RADIL: variants seen among roughly 807,000 people sequenced by gnomAD.
RADIL encodes ras-associating and dilute domain-containing protein.
In RADIL, 99 loss-of-function variants were observed where a neutral mutation model predicts 97.6. That is an observed-to-expected ratio of 1.01 (90% CI 0.86 to 1.20). The LOEUF is 1.20. Ranked by LOEUF, RADIL falls within the 50% of genes most tolerant of loss-of-function variation. The pLI, the probability that RADIL is intolerant of heterozygous loss-of-function variation, is 0.00. For synonymous variants in RADIL, 803 were observed against 691.8 expected (o/e 1.16, Z -2.52); for missense variants, 1,765 against 1,498.9 (o/e 1.18, Z -2.93).
At chr7:4,811,479 CTTTTTTTTTTTTTTTT>C (rs35136302) in intron 9 of RADIL, among the ~76,000 whole-genome samples, 1 of 59,046 alleles carries the variant, frequency 1.7e-5, no homozygotes, top group Admixed American at 2.8e-4. Flanking sequence ...GGTATTATTT[CTTTTTTTTTTTTTTTT>C]TTTTTTTTTT....
In RADIL at chr7:4,883,177, C is replaced by CTG. The variant is rs1784520311; in HGVS notation, c.-65+418_-65+419insCA. 3.3e-5 allele frequency among the ~76,000 whole-genome samples: 5 copies of CTG among 152,082 alleles called. No homozygotes were observed. Among genetic ancestry groups the CTG allele is most frequent in the Admixed American group, 2.0e-4 (3 of 15,274 alleles). On this transcript the variant is annotated intron_variant, in intron 1 of 14. Coordinates refer to ENST00000399583, the MANE Select transcript of RADIL (RefSeq NM_018059.5). This position sits in a 1 kb window ranked among gnomAD's most constrained non-coding sequence, Gnocchi z 7.1. ...GCGCGGAACCCTGCGCCCCGCTCCC[C>CTG]CGCTGCGCCCCGCTCCCCCGCTGCG...
chr7:4,801,747 G>T lies in RADIL; in HGVS notation c.2748C>A (p.Asp916Glu). The T allele has an allele frequency of 1.2e-6, 2 of 1,610,692 alleles. No homozygotes were observed. The highest frequency in any genetic ancestry group is 1.7e-6 in the Non-Finnish European group (2 of 1,179,180). ...GGCCGCCGGACTCTGGCCAGTCGGG[G>T]TCCCCAGGCTCAGGGCCAAGTGGAG... ...PSTPLGPEPG[D>E]PDWPESGGPC... The change falls in exon 12 of 15, where the codon GAC becomes GAA. Residue 916 changes from aspartate (D) to glutamate (E), a missense_variant. Asp to Glu is a conservative substitution (Grantham distance 45, BLOSUM62 2). Transcript: ENST00000399583.
chr7:4,865,829 T>A (rs1784119388), intron 2 of RADIL: 2 of 731,810 alleles, frequency 2.7e-6, no homozygotes, highest in African/African-American at 1.7e-5. Flanking sequence ...GAAAGGGAGG[T>A]GAGTGAACCC....
intron 5 of RADIL, among the ~76,000 whole-genome samples, chr7:4,831,135 G>T (rs922148961): frequency 4.7e-5 from 7 of 150,132 alleles, no homozygotes; most frequent in African/African-American, 1.7e-4. Flanking sequence ...AGGTTGCCGT[G>T]AGCCGAGATC....
intron 9 of RADIL, chr7:4,809,154 G>T: frequency 3.0e-6 from 3 of 985,170 alleles, no homozygotes; most frequent in Non-Finnish European, 3.6e-6. Flanking sequence ...TGGCCCGGCC[G>T]CTTCTGGAAG....
In RADIL at chr7:4,798,932, C is replaced by G. The variant is rs546948821; in HGVS notation, c.*446G>C. 5.5e-6 allele frequency: 1 copy of G among 182,354 alleles called. No individual in the cohort carries two copies. The highest frequency in any genetic ancestry group is 2.4e-5 in the African/African-American group (1 of 41,992). The allele number at this position is 182,354 out of a possible 1,614,324, so 11.3% of individuals were successfully genotyped here. ...GCTGTTGGAGCTGCTTCCTGCAGTG[C>G]CCTGTGTCTGGGTGGGACGGGGGCA... is the stretch of plus-strand genomic sequence containing the variant. On this transcript the variant is annotated 3_prime_UTR_variant, in exon 15 of 15. Transcript: ENST00000399583.
intron 10 of RADIL, among the ~76,000 whole-genome samples, chr7:4,804,986 A>T (rs565819272): frequency 3.9e-4 from 58 of 148,354 alleles, no homozygotes; most frequent in Non-Finnish European, 7.2e-4. Flanking sequence ...CCCAGCTACT[A>T]GGGAGGCTGA....
In RADIL at chr7:4,798,137, C is replaced by CCATATA. The variant is rs1554259992; in HGVS notation, c.*1240_*1241insTATATG. 3.4e-5 allele frequency: 5 copies of CCATATA among 146,650 alleles called. No homozygotes were observed. The highest frequency in any genetic ancestry group is 1.2e-4 in the African/African-American group (5 of 40,374). The allele number at this position is 146,650 out of a possible 1,614,324, so 9.1% of individuals were successfully genotyped here. A position where few individuals can be genotyped will look rare whatever the true frequency, so the allele number is the denominator to read the frequency against. ...CATATCTTAAATATATATACAAACA[C>CCATATA]TATATATATATATATATTTTATCCA... On this transcript the variant is annotated 3_prime_UTR_variant, in exon 15 of 15. Transcript: ENST00000399583.
chr7:4,827,915 C>CAA (rs200854596), intron 5 of RADIL, among the ~76,000 whole-genome samples: 7 of 148,314 alleles, frequency 4.7e-5, no homozygotes, highest in African/African-American at 1.2e-4. Flanking sequence ...AACAAACAAA[C>CAA]AAAAAAAAAC....
intron 2 of RADIL, among the ~76,000 whole-genome samples, chr7:4,838,799 G>C (rs536882006): frequency 1.3e-5 from 2 of 152,238 alleles, no homozygotes. Context: ...GTGCAGGTGT[G>C]GGGGAGGTGA....
At chr7:4,846,877 G>C (rs1169134453) in intron 2 of RADIL, among the ~76,000 whole-genome samples, 1 of 152,054 alleles carries the variant, frequency 6.6e-6, no homozygotes, top group East Asian at 1.9e-4. Context: ...ACAAGGATTT[G>C]AATAAACATT....
At chr7:4,850,592 G>T (rs1165390853) in intron 2 of RADIL, among the ~76,000 whole-genome samples, 1 of 152,222 alleles carries the variant, frequency 6.6e-6, no homozygotes, top group Non-Finnish European at 1.5e-5. Context: ...CAGCTCTCCA[G>T]GGCATCACGG....
At chr7:4,876,370 G>A (rs1300676287) in intron 2 of RADIL, among the ~76,000 whole-genome samples, 4 of 151,894 alleles carry the variant, frequency 2.6e-5, no homozygotes, top group Admixed American at 1.3e-4. Flanking sequence ...GCATGATCTC[G>A]GCTCACTGCA....
chr7:4,858,220 CAGGAA>C (rs1353577601), intron 2 of RADIL: 1 of 152,066 alleles, frequency 6.6e-6, no homozygotes, highest in Non-Finnish European at 1.5e-5. Flanking sequence ...TAATGCAGGA[CAGGAA>C]AAGAGTTTAA....
intron 2 of RADIL, among the ~76,000 whole-genome samples, chr7:4,848,701 A>T (rs1783635518): frequency 6.6e-6 from 1 of 152,226 alleles, no homozygotes; most frequent in Admixed American, 6.5e-5. Flanking sequence ...ACATGGCTCT[A>T]TTGAGAAGAT....
rs73671973 is a variant in RADIL at position 4,850,459 on chromosome 7, T to C, written c.536-13854A>G. Among the ~76,000 whole-genome samples, 1,124 of 152,286 alleles carry C rather than the reference T, an allele frequency of 7.4e-3. 14 individuals carry two copies. Among genetic ancestry groups the C allele is most frequent in the African/African-American group, 0.026 (1,074 of 41,554 alleles). ...TTGTCTATCAGCTGACCTTGAGATA[T>C]GGAGGTTATTTGCTGGGCCGAACCT... On this transcript the variant is annotated intron_variant, in intron 2 of 14. Coordinates refer to ENST00000399583, the MANE Select transcript of RADIL (RefSeq NM_018059.5).
intron 9 of RADIL, among the ~76,000 whole-genome samples, chr7:4,810,862 G>A (rs191883614): frequency 3.9e-5 from 6 of 152,316 alleles, no homozygotes; most frequent in South Asian, 4.1e-4. Context: ...TAGGCCGGGC[G>A]TGGTGGCTCA....
intron 2 of RADIL, chr7:4,860,405 T>G: frequency 6.2e-7 from 1 of 1,613,928 alleles, no homozygotes; most frequent in Non-Finnish European, 8.5e-7. Context: ...TGCTTGCCTA[T>G]AAACAGTATC....
At chr7:4,865,519 G>A in intron 2 of RADIL, 2 of 782,408 alleles carry the variant, frequency 2.6e-6, no homozygotes, top group Non-Finnish European at 4.7e-6. Flanking sequence ...ACTATGCGCA[G>A]CCAATATTCT....
Sources: gnomAD v4.1 joint callset for allele counts (sites outside exome capture counted in the v4.1 genomes callset) on GRCh38, gnomAD v4.1.1 for gene constraint, Gnocchi (gnomAD v3.1) non-coding constraint, MANE v1.5 for transcripts, NCBI Gene and HGNC (gene_info 2026-07-23, HGNC 2026-07-21) for gene names.